The following ADCK5 variants were observed in gnomAD, a reference collection of about 807,000 sequenced individuals.
ADCK5 encodes the protein aarF domain containing kinase 5.
A neutral mutation model predicts 64.9 loss-of-function variants in ADCK5; 43 were observed. The ratio of observed to expected loss-of-function variants is 0.66; its 90% CI spans 0.52 to 0.85. The LOEUF (loss-of-function observed/expected upper bound fraction) is 0.85. Ranked by LOEUF, ADCK5 falls within the 40% of genes least tolerant of loss-of-function variation. The probability of loss-of-function intolerance (pLI) is 0.00; values close to 1 mark genes in which losing one functional copy is unlikely to be tolerated. For missense variants in ADCK5, 760 were observed against 810.5 expected, an observed-to-expected ratio of 0.94 and a Z score of 0.76; for synonymous variants, 434 against 342.8, an observed-to-expected ratio of 1.27 and a Z score of -2.94.
intron 2 of ADCK5, among the ~76,000 whole-genome samples, chr8:144,380,948 G>A (rs1554858055): frequency 9.8e-3 from 403 of 41,138 alleles, no homozygotes; most frequent in Middle Eastern, 0.038. Flanking sequence ...GGGTGTAGAA[G>A]CAGATGTGTG....
At chr8:144,379,616 A>T in intron 2 of ADCK5, 126 bp downstream of exon 2, 2 of 787,092 alleles carry the variant, frequency 2.5e-6, no homozygotes, top group Non-Finnish European at 1.9e-6. Flanking sequence ...CCAAGGCAGG[A>T]TATGTTTGCT....
At chr8:144,383,383 G>A (rs533584041) in intron 3 of ADCK5, among the ~76,000 whole-genome samples, 153 bp downstream of exon 3, 2 of 152,312 alleles carry the variant, frequency 1.3e-5, no homozygotes, top group South Asian at 2.1e-4. Context: ...CTTTTCAGGC[G>A]TCCTTTCCTA....
At chr8:144,373,414 C>T (rs1819233071), upstream of ADCK5, among the ~76,000 whole-genome samples, 2 of 152,220 alleles carry the variant, frequency 1.3e-5, no homozygotes, top group African/African-American at 4.8e-5. Context: ...CCAGGGCTGT[C>T]ACAGAGTGAG....
Position 144,383,089 on chromosome 8 carries a change from G to C in ADCK5, c.125G>C (p.Ser42Thr). The change falls in exon 3 of 15, where the codon AGC becomes ACC. Residue 42 changes from serine (S) to threonine (T), a missense_variant. Physicochemically the swap from Ser to Thr is moderately conservative, Grantham distance 58. Transcript: ENST00000308860. Reference sequence around the variant, plus strand: ...GCATTGTCTCTCCTCAGGTTCTCCAGCCCCACACCCCTGTGGAGGAAGGTG... The same window carrying C: ...GCATTGTCTCTCCTCAGGTTCTCCACCCCCACACCCCTGTGGAGGAAGGTG... ...NVRGLPPRFSSPTPLWRKVLS... is the reference protein window; with the variant it reads ...NVRGLPPRFSTPTPLWRKVLS... 6.3e-7 allele frequency: 1 copy of C among 1,587,900 alleles called. No homozygotes were observed. The highest frequency in any genetic ancestry group is 8.6e-7 in the Non-Finnish European group (1 of 1,167,280).
intron 1 of ADCK5, among the ~76,000 whole-genome samples, chr8:144,374,613 C>T (rs1819289544): frequency 6.6e-6 from 1 of 152,146 alleles, no homozygotes; most frequent in South Asian, 2.1e-4. Flanking sequence ...AAGCCTCAGG[C>T]GCCGTTCCCC....
intron 3 of ADCK5, among the ~76,000 whole-genome samples, chr8:144,389,087 G>A (rs1425538029): frequency 6.6e-6 from 1 of 152,198 alleles, no homozygotes; most frequent in African/African-American, 2.4e-5. Flanking sequence ...TGCCCAGCTG[G>A]TCCCCAGAGT....
intron 2 of ADCK5, among the ~76,000 whole-genome samples, chr8:144,381,674 C>T (rs781962472): frequency 1.4e-5 from 2 of 143,492 alleles, no homozygotes; most frequent in African/African-American, 2.6e-5. Flanking sequence ...AGGCACCTCC[C>T]GCAGTCAGAA....
Position 144,383,360 on chromosome 8 carries a change from G to A in ADCK5, c.266+130G>A, listed in dbSNP as rs1554858714. 17 of 1,327,116 alleles carry A rather than the reference G, an allele frequency of 1.3e-5. No homozygotes were observed. In the South Asian group the frequency reaches 1.9e-4, roughly 15 times the overall value. 82.2% of individuals were successfully genotyped at this position (1,327,116 alleles called of 1,614,324 possible). On this transcript the variant is annotated intron_variant, in intron 3 of 14. Transcript: ENST00000308860. ...TGGGAGGCCTGCAGAGCTTGCTGAGGATTTTACAGCTGCTTTTCAGGCGTC... is the reference window on the plus strand; with the variant it reads ...TGGGAGGCCTGCAGAGCTTGCTGAGAATTTTACAGCTGCTTTTCAGGCGTC...
chr8:144,391,244 G>C lies in ADCK5; in HGVS notation c.654G>C (p.Lys218Asn), dbSNP rs782007740. 3.1e-6 allele frequency: 5 copies of C among 1,612,472 alleles called. No homozygotes were observed. The highest frequency in any genetic ancestry group is 4.2e-6 in the Non-Finnish European group (5 of 1,180,030). The change falls in exon 6 of 15, where the codon AAG (lysine) becomes AAC (asparagine). Residue 218 changes from lysine to asparagine, a missense_variant. Coordinates refer to ENST00000308860, the MANE Select transcript of ADCK5 (RefSeq NM_174922.5). ...GCCTGGCACAGGTGCACAGAGCCAA[G>C]CTGCACGATGGCACCAGCGTGGCTG... ...AASLAQVHRA[K>N]LHDGTSVAVK...
At chr8:144,389,456 C>T (rs1360525253) in intron 3 of ADCK5, 1 of 415,340 alleles carries the variant, frequency 2.4e-6, no homozygotes, top group Non-Finnish European at 5.0e-6. Flanking sequence ...TCCATACTGT[C>T]CCCTACCCCA....
intron 1 of ADCK5, chr8:144,375,644 G>A: frequency 1.0e-6 from 1 of 985,476 alleles, no homozygotes. Flanking sequence ...CTGTGTGAGT[G>A]TTACCACTCA....
chr8:144,390,662 T>G lies in ADCK5; in HGVS notation c.267-9T>G, dbSNP rs1820175508. The stretch of plus-strand genomic sequence containing the variant: ...CCCCGCTGGAGACTGAGGCCACCTC[T>G]GCCCGCAGGTCTCTGAAGGTCGGCC... On this transcript the variant is annotated splice_polypyrimidine_tract_variant and intron_variant, in intron 3 of 14. Transcript: ENST00000308860. The G allele has an allele frequency of 6.2e-7, 1 of 1,612,994 alleles. No homozygotes were observed. Among genetic ancestry groups the G allele is most frequent in the Non-Finnish European group, 8.5e-7 (1 of 1,179,766 alleles).
intron 1 of ADCK5, 46 bp downstream of exon 1, chr8:144,374,153 C>A: frequency 8.0e-7 from 1 of 1,247,270 alleles, no homozygotes; most frequent in South Asian, 4.1e-5. Flanking sequence ...TGCACACCAG[C>A]CCCAGAGACC....
intron 1 of ADCK5, among the ~76,000 whole-genome samples, chr8:144,377,983 A>T (rs1199581839): frequency 1.3e-5 from 2 of 152,120 alleles, no homozygotes; most frequent in African/African-American, 2.4e-5. Flanking sequence ...AGGGGCAGGG[A>T]TGGGGTGGGT....
intron 1 of ADCK5, among the ~76,000 whole-genome samples, chr8:144,375,977 T>C (rs1223962157): frequency 3.3e-5 from 5 of 152,174 alleles, no homozygotes; most frequent in Non-Finnish European, 7.4e-5. Flanking sequence ...AGAATTGCCC[T>C]GGATTGGGCT....
At chr8:144,379,346 C>T in intron 1 of ADCK5, 41 bp from the exon 2 acceptor site, 1 of 1,497,448 alleles carries the variant, frequency 6.7e-7, no homozygotes. Flanking sequence ...AGGGGCGTGT[C>T]CTGGCCTCGT....
At chr8:144,378,476 C>A (rs553616649) in intron 1 of ADCK5, among the ~76,000 whole-genome samples, 5 of 152,088 alleles carry the variant, frequency 3.3e-5, no homozygotes, top group Non-Finnish European at 7.4e-5. Flanking sequence ...CTCCGCCCCC[C>A]CCACTGCTTC....
chr8:144,390,926 C>T lies in ADCK5; in HGVS notation c.413C>T (p.Ala138Val). The change falls in exon 5 of 15, where the codon GCC (alanine) becomes GTC (valine). Residue 138 changes from alanine to valine, a missense_variant. By Grantham distance (64) the Ala-to-Val change is moderately conservative (BLOSUM62 0). Coordinates refer to ENST00000308860, the MANE Select transcript of ADCK5 (RefSeq NM_174922.5). The stretch of plus-strand genomic sequence containing the variant: ...GCGGCTGATGCCCTGGTGGCAGGGG[C>T]CATCAGCAACGGGGGCCTCTACGTG... ...QRAADALVAG[A>V]ISNGGLYVKL... 1 of 1,612,882 alleles carries T rather than the reference C, an allele frequency of 6.2e-7. No homozygotes were observed.
chr8:144,382,310 T>G (rs1157155157), intron 2 of ADCK5, among the ~76,000 whole-genome samples: 2 of 152,258 alleles, frequency 1.3e-5, no homozygotes, highest in African/African-American at 2.4e-5. Context: ...AGATGTGTTC[T>G]CAGGCACCTC....
Sources: allele counts gnomAD v4.1 joint callset (sites outside exome capture counted in the v4.1 genomes callset), GRCh38; gene constraint gnomAD v4.1.1; transcripts MANE v1.5; gene names NCBI Gene and HGNC (gene_info 2026-07-23, HGNC 2026-07-21).